FRK: variants seen among roughly 807,000 people sequenced by gnomAD.
FRK encodes tyrosine-protein kinase FRK.
In FRK, 51 loss-of-function variants were observed where a neutral mutation model predicts 56.4. That is an observed-to-expected ratio of 0.90 (90% confidence interval 0.72 to 1.14). FRK has a LOEUF of 1.14. FRK is among the 50% of genes most tolerant of loss of function. The pLI is 0.00. For missense variants in FRK, 570 were observed against 601.4 expected, an observed-to-expected ratio of 0.95 and a Z score of 0.55; for synonymous variants, 245 against 217.9, an observed-to-expected ratio of 1.12 and a Z score of -1.10.
At chr6:115,990,028 C>T (rs1165936048) in intron 2 of FRK, among the ~76,000 whole-genome samples, 1 of 151,870 alleles carries the variant, frequency 6.6e-6, no homozygotes, top group South Asian at 2.1e-4. Flanking sequence ...TTTCACTTCT[C>T]TGAGGATTAG....
chr6:115,945,540 A>T (rs904174406), intron 5 of FRK, among the ~76,000 whole-genome samples: 1 of 152,084 alleles, frequency 6.6e-6, no homozygotes, highest in Non-Finnish European at 1.5e-5. Flanking sequence ...TTATTACTCA[A>T]CTGCTACTGA....
intron 1 of FRK, among the ~76,000 whole-genome samples, chr6:116,007,546 A>G (rs1290524334): frequency 6.6e-6 from 1 of 152,196 alleles, no homozygotes; most frequent in Non-Finnish European, 1.5e-5. Context: ...AGGCAAAGGG[A>G]ATTTAGGATA....
At chr6:116,016,056 G>A (rs1247315885) in intron 1 of FRK, among the ~76,000 whole-genome samples, 1 of 152,130 alleles carries the variant, frequency 6.6e-6, no homozygotes, top group African/African-American at 2.4e-5. Flanking sequence ...AAGTGACCAG[G>A]GGCCAAATGT....
Position 115,961,270 on chromosome 6 carries a change from C to T in FRK, c.800-4660G>A, listed in dbSNP as rs1266300043. 1.4e-3 allele frequency among the ~76,000 whole-genome samples: 165 copies of T among 114,408 alleles called. 3 individuals carry two copies. The South Asian group carries it at 0.031, about 21-fold the overall frequency. 75.1% of individuals were successfully genotyped at this position (114,408 alleles called of 152,430 possible). ...AATGCAGAAGCCTCAGAAGCCGATG[C>T]GATCAACTGGAAGAAAGGGTATCAG... On this transcript the variant is annotated intron_variant, in intron 4 of 7. Coordinates refer to ENST00000606080, the MANE Select transcript of FRK (RefSeq NM_002031.3).
chr6:115,997,304 A>G (rs1016683758), intron 2 of FRK, among the ~76,000 whole-genome samples: 1 of 152,308 alleles, frequency 6.6e-6, no homozygotes, highest in South Asian at 2.1e-4. Context: ...TATATTCTCA[A>G]GAAGTGACTT....
intron 2 of FRK, among the ~76,000 whole-genome samples, chr6:115,978,288 T>C (rs1256976634): frequency 6.6e-6 from 1 of 152,190 alleles, no homozygotes; most frequent in Non-Finnish European, 1.5e-5. Flanking sequence ...TTTAGTTATA[T>C]CCCTACCTTG....
the FRK span, among the ~76,000 whole-genome samples, chr6:116,096,534 G>A: frequency 1.3e-5 from 2 of 152,086 alleles, no homozygotes; most frequent in Admixed American, 6.5e-5. Flanking sequence ...TCAGCACTCT[G>A]TGTCTACCTA....
intron 5 of FRK, among the ~76,000 whole-genome samples, chr6:115,947,453 T>C (rs1350876585): frequency 6.6e-6 from 1 of 152,066 alleles, no homozygotes; most frequent in Admixed American, 6.6e-5. Context: ...CTTTTTTCCC[T>C]GAGCACGCAC....
chr6:116,021,830 A>G (rs1775882370), intron 1 of FRK, among the ~76,000 whole-genome samples: 1 of 152,080 alleles, frequency 6.6e-6, no homozygotes. Flanking sequence ...AATAGTAAAG[A>G]CAACAGTAAA....
At chr6:116,022,609 T>G (rs1295275443) in intron 1 of FRK, among the ~76,000 whole-genome samples, 1 of 152,168 alleles carries the variant, frequency 6.6e-6, no homozygotes, top group East Asian at 1.9e-4. Context: ...CATCTATTCA[T>G]GATTTAAAAA....
rs528349678 is a variant in FRK at position 116,042,912 on chromosome 6, CA to C, written c.344+17055del. ...GAATATTTACCAAGTAAATGGAAAG[CA>C]AAAAAAAAAGCAGGGTTGCAATCCT... On this transcript the variant is annotated intron_variant, in intron 1 of 7. Transcript: ENST00000606080. 2.9e-4 allele frequency among the ~76,000 whole-genome samples: 41 copies of C among 140,008 alleles called. 1 individual carries two copies. Among genetic ancestry groups the C allele is most frequent in the South Asian group, 1.1e-3 (5 of 4,444 alleles). The allele number at this position is 140,008 out of a possible 152,430, so 91.9% of individuals were successfully genotyped here.
chr6:116,027,387 T>C (rs529871765), intron 1 of FRK, among the ~76,000 whole-genome samples: 1 of 152,276 alleles, frequency 6.6e-6, no homozygotes, highest in South Asian at 2.1e-4. Flanking sequence ...TCATAGAATT[T>C]AAGACTGGTT....
intron 2 of FRK, among the ~76,000 whole-genome samples, chr6:115,994,038 T>C (rs138603370): frequency 5.7e-4 from 87 of 152,194 alleles, no homozygotes; most frequent in African/African-American, 2.0e-3. Flanking sequence ...TCTTATAGTA[T>C]TCTTTTTCCC....
chr6:116,033,009 A>T (rs1442717901), intron 1 of FRK, among the ~76,000 whole-genome samples: 1 of 152,134 alleles, frequency 6.6e-6, no homozygotes, highest in Non-Finnish European at 1.5e-5. Flanking sequence ...TCTGTTTATT[A>T]ATAACGTAGC....
intron 2 of FRK, among the ~76,000 whole-genome samples, chr6:115,972,280 C>T (rs1773831571): frequency 6.6e-6 from 1 of 152,202 alleles, no homozygotes; most frequent in Non-Finnish European, 1.5e-5. Context: ...AATATTTACA[C>T]ATCCCTTGCC....
chr6:116,022,047 G>C (rs1775891240), intron 1 of FRK, among the ~76,000 whole-genome samples: 1 of 151,834 alleles, frequency 6.6e-6, no homozygotes, highest in Non-Finnish European at 1.5e-5. Flanking sequence ...AACAACCATA[G>C]GACAATAAAT....
chr6:116,029,014 G>A (rs1000953924), intron 1 of FRK, among the ~76,000 whole-genome samples: 2 of 151,940 alleles, frequency 1.3e-5, no homozygotes, highest in African/African-American at 4.8e-5. Flanking sequence ...ATTCTGTTTT[G>A]CTCACTCTGC....
intron 1 of FRK, among the ~76,000 whole-genome samples, chr6:116,049,581 G>A (rs1777112612): frequency 6.6e-6 from 1 of 152,194 alleles, no homozygotes; most frequent in Admixed American, 6.5e-5. Context: ...TACAGGCTCT[G>A]AGAGCAAGCT....
At chr6:115,962,202 T>A (rs1773400483) in intron 4 of FRK, among the ~76,000 whole-genome samples, 1 of 125,138 alleles carries the variant, frequency 8.0e-6, no homozygotes, top group African/African-American at 3.1e-5. Context: ...TGGAGGAAGA[T>A]CTACCAAGCC....
Sources: allele counts gnomAD v4.1 joint callset (sites outside exome capture counted in the v4.1 genomes callset), GRCh38; gene constraint gnomAD v4.1.1; transcripts MANE v1.5; gene names NCBI Gene and HGNC (gene_info 2026-07-23, HGNC 2026-07-21).